The following ZNF423 variants were observed in gnomAD, a reference collection of about 807,000 sequenced individuals.
ZNF423 encodes Ebf-associated zinc finger protein.
In ZNF423, 12 loss-of-function variants were observed where a neutral mutation model predicts 95.8. The ratio of observed to expected loss-of-function variants is 0.13; its 90% CI spans 0.08 to 0.20. The LOEUF is 0.20. ZNF423 is among the 10% of genes least tolerant of loss of function. ZNF423 has a pLI of 1.00. For missense variants in ZNF423, 1,316 were observed against 1,737.1 expected (o/e 0.76, Z 4.31); for synonymous variants, 749 against 711.9 (o/e 1.05, Z -0.83).
rs186619550 is a variant in ZNF423, at chr16:49,770,468, G to A, written c.100+19019C>T. Among the ~76,000 whole-genome samples the A allele has an allele frequency of 3.9e-5, 6 of 152,280 alleles. No homozygotes were observed. The East Asian group carries it at 9.7e-4, about 25-fold the overall frequency. On this transcript the variant is annotated intron_variant, in intron 2 of 7. Coordinates refer to ENST00000563137, the MANE Select transcript of ZNF423 (RefSeq NM_001379286.1). ...AGGGGAGGGAGAGAACCTGCTCCACGGTGGGAAGGAGACGAAGCCTATGAA... is the reference window on the plus strand; with the variant it reads ...AGGGGAGGGAGAGAACCTGCTCCACAGTGGGAAGGAGACGAAGCCTATGAA...
At chr16:49,580,980 G>A (rs1433148293) in intron 5 of ZNF423, among the ~76,000 whole-genome samples, 1 of 152,082 alleles carries the variant, frequency 6.6e-6, no homozygotes, top group South Asian at 2.1e-4. Flanking sequence ...AGAGTTCACG[G>A]GCTGAGTAGA....
intron 1 of ZNF423, among the ~76,000 whole-genome samples, chr16:49,833,725 A>G (rs1377729939): frequency 6.6e-6 from 1 of 152,098 alleles, no homozygotes; most frequent in African/African-American, 2.4e-5. Flanking sequence ...CTGGTTCCCA[A>G]ATTTCAACAG....
At chr16:49,665,506 G>A (rs8054721) in intron 3 of ZNF423, among the ~76,000 whole-genome samples, 23,800 of 152,152 alleles carry the variant, frequency 0.16, 2,620 homozygotes, top group African/African-American at 0.3. Flanking sequence ...CCAGCAGGAT[G>A]AAGAATTCAC....
chr16:49,622,622 A>T (rs1972122914), intron 5 of ZNF423, among the ~76,000 whole-genome samples: 2 of 152,184 alleles, frequency 1.3e-5, no homozygotes, highest in Non-Finnish European at 1.5e-5. Flanking sequence ...CATGCCCATC[A>T]GCCTTCCCCT....
chr16:49,530,237 C>A (rs941316395), intron 5 of ZNF423, among the ~76,000 whole-genome samples: 1 of 152,042 alleles, frequency 6.6e-6, no homozygotes, highest in African/African-American at 2.4e-5. Flanking sequence ...GCTGAGACCC[C>A]CAGACCATCC....
chr16:49,541,344 AC>A (rs1969239253), intron 5 of ZNF423, among the ~76,000 whole-genome samples: 1 of 152,168 alleles, frequency 6.6e-6, no homozygotes, highest in Non-Finnish European at 1.5e-5. Context: ...ACTAACAATC[AC>A]TCAGACTAAC....
chr16:49,574,497 T>C (rs1177839004), intron 5 of ZNF423, among the ~76,000 whole-genome samples: 5 of 152,254 alleles, frequency 3.3e-5, no homozygotes, highest in Admixed American at 6.5e-5. Context: ...CTGATGCTGA[T>C]GCTGCTGGTC....
intron 5 of ZNF423, among the ~76,000 whole-genome samples, chr16:49,541,913 T>C (rs1969261975): frequency 6.6e-6 from 1 of 152,252 alleles, no homozygotes; most frequent in African/African-American, 2.4e-5. Flanking sequence ...TGCAAGTCAA[T>C]TAAACCTCTT....
At chr16:49,556,687 G>A (rs547418700) in intron 5 of ZNF423, among the ~76,000 whole-genome samples, 1 of 152,326 alleles carries the variant, frequency 6.6e-6, no homozygotes, top group South Asian at 2.1e-4. Context: ...ATCCACAAGA[G>A]AGCACAGTGT....
At chr16:49,560,559 T>C (rs1969981847) in intron 5 of ZNF423, among the ~76,000 whole-genome samples, 1 of 152,228 alleles carries the variant, frequency 6.6e-6, no homozygotes, top group Admixed American at 6.5e-5. Context: ...AGTTTTCGAT[T>C]GGTCTGGGCT....
chr16:49,791,308 G>T (rs2034409906), intron 1 of ZNF423, among the ~76,000 whole-genome samples: 1 of 152,116 alleles, frequency 6.6e-6, no homozygotes, highest in South Asian at 2.1e-4. Flanking sequence ...AAGACCTCGT[G>T]TCAGACAAAA....
intron 7 of ZNF423, among the ~76,000 whole-genome samples, chr16:49,494,712 G>A (rs1187858342): frequency 6.6e-6 from 1 of 152,142 alleles, no homozygotes; most frequent in Non-Finnish European, 1.5e-5. Flanking sequence ...GGAGGTGGTG[G>A]GACCCCTGTC....
chr16:49,617,233 C>T (rs1056806934), intron 5 of ZNF423, among the ~76,000 whole-genome samples: 28 of 152,138 alleles, frequency 1.8e-4, no homozygotes, highest in African/African-American at 6.0e-4. Context: ...ACTTTCTCCC[C>T]GCTGGGCCCC....
intron 2 of ZNF423, among the ~76,000 whole-genome samples, chr16:49,751,115 C>T (rs541817146): frequency 3.9e-5 from 6 of 152,314 alleles, no homozygotes; most frequent in African/African-American, 1.4e-4. Context: ...ATTCAAGGCA[C>T]ACATGGGAAC....
chr16:49,577,435 G>A (rs2151796697), intron 5 of ZNF423, among the ~76,000 whole-genome samples: 1 of 152,198 alleles, frequency 6.6e-6, no homozygotes, highest in South Asian at 2.1e-4. Context: ...GCAGAACTGA[G>A]GCTCACACCC....
chr16:49,811,420 C>T (rs546963779), intron 1 of ZNF423, among the ~76,000 whole-genome samples: 13 of 152,274 alleles, frequency 8.5e-5, no homozygotes, highest in African/African-American at 3.1e-4. Flanking sequence ...AATGGCACCA[C>T]TCTACCCCCA....
At chr16:49,553,379 C>T (rs1361171667) in intron 5 of ZNF423, among the ~76,000 whole-genome samples, 1 of 152,028 alleles carries the variant, frequency 6.6e-6, no homozygotes, top group Non-Finnish European at 1.5e-5. Flanking sequence ...CTTGGTCTTG[C>T]TCTGCCACAT....
At chr16:49,679,541 C>A (rs1567285798) in intron 3 of ZNF423, among the ~76,000 whole-genome samples, 1 of 152,264 alleles carries the variant, frequency 6.6e-6, no homozygotes, top group Non-Finnish European at 1.5e-5. Context: ...GCACTCAGGG[C>A]AGTGCTGACA....
intron 7 of ZNF423, among the ~76,000 whole-genome samples, chr16:49,510,547 ACTGAGACTCCCCATGTGGG>A (rs1418556107): frequency 1.3e-5 from 2 of 152,108 alleles, no homozygotes; most frequent in African/African-American, 2.4e-5. Context: ...AAATGGGTAA[ACTGAGACTCCCCATGTGGG>A]CAGAGCTGCC....
Sources: allele counts gnomAD v4.1 joint callset (sites outside exome capture counted in the v4.1 genomes callset), GRCh38; gene constraint gnomAD v4.1.1; transcripts MANE v1.5; gene names NCBI Gene and HGNC (gene_info 2026-07-23, HGNC 2026-07-21).